Variants in ANO2 observed in about 807,000 individuals in gnomAD.
The protein encoded by ANO2 is anoctamin-2.
Under a neutral mutation model 124.2 loss-of-function variants are expected in ANO2, and 101 were observed. That is an observed-to-expected ratio of 0.81 (90% CI 0.69 to 0.96). The LOEUF (loss-of-function observed/expected upper bound fraction) is 0.96, where lower values mean the gene tolerates loss of function less well. Ranked by LOEUF, ANO2 falls within the 40% of genes least tolerant of loss-of-function variation. The probability of loss-of-function intolerance (pLI) is 0.00; values close to 1 mark genes in which losing one functional copy is unlikely to be tolerated. For missense variants in ANO2, 1,293 were observed against 1,274.5 expected (o/e 1.01, Z -0.22); for synonymous variants, 486 against 482.5 (o/e 1.01, Z -0.09).
At chr12:5,585,739 T>G (rs1232765213) in intron 20 of ANO2, among the ~76,000 whole-genome samples, 1 of 152,180 alleles carries the variant, frequency 6.6e-6, no homozygotes, top group Non-Finnish European at 1.5e-5. Flanking sequence ...ACTGTGGTAA[T>G]GTAGTGCGTG....
intron 23 of ANO2, among the ~76,000 whole-genome samples, chr12:5,570,343 C>T (rs181336343): frequency 6.0e-4 from 91 of 151,982 alleles, no homozygotes; most frequent in Admixed American, 2.0e-3. Context: ...TGGAAGGATG[C>T]CTGGGGTTGG....
At chr12:5,776,243 A>G (rs570975371) in intron 10 of ANO2, among the ~76,000 whole-genome samples, 2 of 151,880 alleles carry the variant, frequency 1.3e-5, no homozygotes, top group African/African-American at 4.8e-5. Flanking sequence ...CTTCCCAACC[A>G]CTCTTTGTAA....
chr12:5,827,425 G>A (rs983565145), intron 7 of ANO2, among the ~76,000 whole-genome samples: 9 of 152,170 alleles, frequency 5.9e-5, no homozygotes, highest in African/African-American at 2.2e-4. Context: ...CTTTTCTTGG[G>A]TTATTAGAAA....
chr12:5,930,935 C>T (rs1332071575), intron 1 of ANO2, among the ~76,000 whole-genome samples: 1 of 152,124 alleles, frequency 6.6e-6, no homozygotes, highest in Non-Finnish European at 1.5e-5. Flanking sequence ...TCAGAATTAG[C>T]CCTCTCTCTC....
At chr12:5,669,681 AT>A (rs1381772167) in intron 14 of ANO2, among the ~76,000 whole-genome samples, 1 of 152,148 alleles carries the variant, frequency 6.6e-6, no homozygotes, top group Non-Finnish European at 1.5e-5. Flanking sequence ...TTTGTCATAA[AT>A]GGCTGGAAGT....
In ANO2 at chr12:5,927,217, T is replaced by A. The variant is rs113659318; in HGVS notation, c.23-4413A>T. Among the ~76,000 whole-genome samples the A allele has an allele frequency of 7.6e-3, 1,153 of 152,242 alleles. 8 individuals carry two copies. The highest frequency in any genetic ancestry group is 0.026 in the African/African-American group (1,079 of 41,538). On this transcript the variant is annotated intron_variant, in intron 1 of 24. Transcript: ENST00000682330. The stretch of plus-strand genomic sequence containing the variant: ...CCCCACCATTATTAGTACAAGTGGG[T>A]TTACTCATCAGGGATGACCACACAT...
At chr12:5,683,662 A>AT (rs1360949109) in intron 14 of ANO2, among the ~76,000 whole-genome samples, 1 of 152,032 alleles carries the variant, frequency 6.6e-6, no homozygotes, top group Admixed American at 6.6e-5. Flanking sequence ...ACTTATTTTA[A>AT]TTTTTTAAAG....
chr12:5,735,365 T>C (rs1256745114), intron 13 of ANO2, among the ~76,000 whole-genome samples: 1 of 152,136 alleles, frequency 6.6e-6, no homozygotes, highest in African/African-American at 2.4e-5. Flanking sequence ...GGACCACATT[T>C]GTCTGATGTA....
rs749230147 is a variant in ANO2 at position 5,854,130 on chromosome 12, C to T, written c.546G>A (p.Gln182=). Reference sequence around the variant, plus strand: ...CGTGTATCCGGACAAAGATGGATCCCTGGCTTTTATTCTGCAAGGTACAAA... The same window carrying T: ...CGTGTATCCGGACAAAGATGGATCCTTGGCTTTTATTCTGCAAGGTACAAA... The part of the protein sequence containing the change: ...ELEKDLENKS[Q]GSIFVRIHAP... Residue 182 remains glutamine (Q), a synonymous_variant, in exon 4 of 25, where the codon CAG becomes CAA. Transcript: ENST00000682330. 1 of 1,613,198 alleles carries T rather than the reference C, an allele frequency of 6.2e-7. No individual in the cohort carries two copies. The highest frequency in any genetic ancestry group is 1.7e-5 in the Admixed American group (1 of 59,994).
chr12:5,815,614 T>G (rs1013937338), intron 7 of ANO2, among the ~76,000 whole-genome samples: 2 of 152,210 alleles, frequency 1.3e-5, no homozygotes, highest in Non-Finnish European at 2.9e-5. Context: ...GCTACACCCC[T>G]GACCATATTC....
intron 15 of ANO2, among the ~76,000 whole-genome samples, chr12:5,644,677 T>C (rs938876987): frequency 6.6e-6 from 1 of 152,234 alleles, no homozygotes; most frequent in South Asian, 2.1e-4. Flanking sequence ...TTCATTCCTT[T>C]CTAAAACCAT....
intron 3 of ANO2, among the ~76,000 whole-genome samples, chr12:5,893,864 C>T (rs1285636226): frequency 6.6e-6 from 1 of 152,124 alleles, no homozygotes; most frequent in East Asian, 1.9e-4. Flanking sequence ...TGTATATGTG[C>T]CACATTTTCT....
At chr12:5,758,050 C>T (rs1341858794) in intron 10 of ANO2, among the ~76,000 whole-genome samples, 2 of 152,124 alleles carry the variant, frequency 1.3e-5, no homozygotes, top group East Asian at 3.9e-4. Context: ...AAAAACCATG[C>T]ACTTCCTGGA....
intron 10 of ANO2, among the ~76,000 whole-genome samples, chr12:5,780,226 T>A (rs1269291373): frequency 6.6e-6 from 1 of 152,198 alleles, no homozygotes; most frequent in East Asian, 1.9e-4. Flanking sequence ...TTCATATATA[T>A]TCATATGCAT....
chr12:5,751,033 T>A lies in ANO2; in HGVS notation c.1056-63A>T, dbSNP rs1951421556. The A allele has an allele frequency of 5.4e-6, 8 of 1,477,236 alleles. No individual in the cohort carries two copies. In the Admixed American group the frequency reaches 1.7e-4, roughly 32 times the overall value. 91.5% of individuals were successfully genotyped at this position (1,477,236 alleles called of 1,614,324 possible). On this transcript the variant is annotated intron_variant, in intron 10 of 24. Transcript: ENST00000682330. Reference sequence around the variant, plus strand: ...GAACATCATATACTTTCCTTATTTCTGTTTGTTCTATGCCTAAGGGTGGGT... The same window carrying A: ...GAACATCATATACTTTCCTTATTTCAGTTTGTTCTATGCCTAAGGGTGGGT...
intron 15 of ANO2, among the ~76,000 whole-genome samples, chr12:5,642,426 A>G (rs1946431362): frequency 6.6e-6 from 1 of 151,692 alleles, no homozygotes; most frequent in Non-Finnish European, 1.5e-5. Context: ...TAAAAGCCTT[A>G]GAGTCATTCT....
Position 5,575,884 on chromosome 12 carries a change from C to T in ANO2, c.2571G>A (p.Glu857=). Residue 857 remains glutamate (E), a synonymous_variant, in exon 23 of 25, where the codon GAG becomes GAA. Coordinates refer to ENST00000682330, the MANE Select transcript of ANO2 (RefSeq NM_001364791.2). Reference sequence around the variant, plus strand: ...ACTGTGAGTTTTCTGGCTGCGTCCCCTCCTTCAGCTGGCTGACGTTGAAAA... The same window carrying T: ...ACTGTGAGTTTTCTGGCTGCGTCCCTTCCTTCAGCTGGCTGACGTTGAAAA... ...LSFFNVSQLK[E]GTQPENSQFD... is the part of the protein sequence containing the mutation. The T allele has an allele frequency of 5.6e-6, 9 of 1,613,872 alleles. No individual in the cohort carries two copies. Among genetic ancestry groups the T allele is most frequent in the Non-Finnish European group, 7.6e-6 (9 of 1,179,868 alleles).
At chr12:5,600,342 C>T (rs145918329) in intron 19 of ANO2, among the ~76,000 whole-genome samples, 34 of 152,272 alleles carry the variant, frequency 2.2e-4, no homozygotes, top group Middle Eastern at 3.4e-3. Flanking sequence ...CAACCCTTTT[C>T]GACTTTGATC....
chr12:5,740,139 A>G (rs1951039534), intron 12 of ANO2: 2 of 369,284 alleles, frequency 5.4e-6, no homozygotes, highest in Non-Finnish European at 1.1e-5. Flanking sequence ...ACAACCCTAC[A>G]GCCATGGTTT....
Sources: allele counts gnomAD v4.1 joint callset (sites outside exome capture counted in the v4.1 genomes callset), GRCh38; gene constraint gnomAD v4.1.1; transcripts MANE v1.5; gene names NCBI Gene and HGNC (gene_info 2026-07-23, HGNC 2026-07-21).